The following UBXN4 variants were observed in gnomAD, a reference collection of about 807,000 sequenced individuals.
UBXN4 encodes the protein UBX domain protein 4, also known as UBX domain-containing protein 4.
A neutral mutation model predicts 66.2 loss-of-function variants in UBXN4; 35 were observed. The ratio of observed to expected loss-of-function variants is 0.53; its 90% CI spans 0.40 to 0.70. The LOEUF is 0.70. Among genes scored for constraint, UBXN4 ranks in the 30% least tolerant of loss-of-function variants. The pLI, the probability that UBXN4 is intolerant of heterozygous loss-of-function variation, is 0.00. For missense variants in UBXN4, 533 were observed against 599.8 expected, an observed-to-expected ratio of 0.89 and a Z score of 1.16; for synonymous variants, 203 against 204.5, an observed-to-expected ratio of 0.99 and a Z score of 0.06.
intron 12 of UBXN4, among the ~76,000 whole-genome samples, chr2:135,782,000 A>G (rs994565018): frequency 6.6e-6 from 1 of 152,192 alleles, no homozygotes; most frequent in African/African-American, 2.4e-5. Flanking sequence ...TGTGAGCTCC[A>G]GAGTTTTGAG....
intron 6 of UBXN4, 22 bp from the exon 7 acceptor site, chr2:135,769,747 G>GT: frequency 5.8e-6 from 8 of 1,380,772 alleles, no homozygotes; most frequent in East Asian, 2.4e-5. Flanking sequence ...AATTAGTGGT[G>GT]GTTTTTTTTT....
intron 7 of UBXN4, 60 bp downstream of exon 7, chr2:135,769,883 A>G: frequency 1.3e-6 from 1 of 771,024 alleles, no homozygotes; most frequent in South Asian, 1.7e-5. Flanking sequence ...GTGATTGATT[A>G]TTCTATTCAG....
chr2:135,782,660 G>T, intron 12 of UBXN4, 89 bp from the exon 13 acceptor site: 2 of 1,501,140 alleles, frequency 1.3e-6, no homozygotes, highest in Non-Finnish European at 1.8e-6. Flanking sequence ...AAACTTAGTT[G>T]CCTGTACTGA....
rs1054288917 is a variant in UBXN4 at position 135,770,525 on chromosome 2, G to C, written c.658-46G>C. 5.6e-6 allele frequency: 7 copies of C among 1,250,778 alleles called. No individual in the cohort carries two copies. The African/African-American group carries it at 9.3e-5, about 17-fold the overall frequency. 77.5% of individuals were successfully genotyped at this position (1,250,778 alleles called of 1,614,324 possible). A position where few individuals can be genotyped will look rare whatever the true frequency, so the allele number is the denominator to read the frequency against. On this transcript the variant is annotated intron_variant, in intron 7 of 12. Coordinates refer to ENST00000272638, the MANE Select transcript of UBXN4 (RefSeq NM_014607.4). Reference sequence around the variant, plus strand: ...CGTTGCATTCAAAATAATATCTGGGGCAGATTATCAAGTTTTTGGATCATA... The same window carrying C: ...CGTTGCATTCAAAATAATATCTGGGCCAGATTATCAAGTTTTTGGATCATA...
chr2:135,779,577 C>T (rs1430835267), intron 11 of UBXN4, among the ~76,000 whole-genome samples: 1 of 152,052 alleles, frequency 6.6e-6, no homozygotes, highest in Non-Finnish European at 1.5e-5. Context: ...ACATAGTTTT[C>T]CTTGCTCTAT....
intron 1 of UBXN4, among the ~76,000 whole-genome samples, chr2:135,742,998 G>T (rs1293464649): frequency 4.6e-5 from 7 of 152,134 alleles, no homozygotes; most frequent in Admixed American, 3.9e-4. Flanking sequence ...GATTTACAGT[G>T]AACTCCCTGC....
At chr2:135,751,901 T>C (rs2077244514) in intron 2 of UBXN4, among the ~76,000 whole-genome samples, 2 of 152,156 alleles carry the variant, frequency 1.3e-5, no homozygotes, top group Admixed American at 6.5e-5. Context: ...TATCTCTTAC[T>C]AATCTTATAA....
rs762768871 is a variant in UBXN4 at position 135,778,998 on chromosome 2, G to A, written c.1104G>A (p.Arg368=). ...TTTCGTTAGCAACCATGTTTCCCAG[G>A]AGGGAATTTACCAAAGAAGATTATA... ...GNFSLATMFP[R]REFTKEDYKK... is the part of the protein sequence containing the mutation. The change falls in exon 11 of 13, where the codon AGG becomes AGA. Residue 368 remains arginine (R), a synonymous_variant. Coordinates refer to ENST00000272638, the MANE Select transcript of UBXN4 (RefSeq NM_014607.4). The A allele has an allele frequency of 5.0e-6, 8 of 1,613,604 alleles. No homozygotes were observed. The Admixed American group carries it at 5.0e-5, about 10-fold the overall frequency.
Position 135,741,971 on chromosome 2 carries a change from G to C in UBXN4, c.42G>C (p.Thr14=), listed in dbSNP as rs370745711. The part of the protein sequence containing the change: ...FQGAIPAAIA[T]AKRSGAVFVV... ...GCGCCATTCCGGCCGCCATCGCGACGGCCAAAAGGAGCGGCGCGGTCTTCG... is the reference window on the plus strand; with the variant it reads ...GCGCCATTCCGGCCGCCATCGCGACCGCCAAAAGGAGCGGCGCGGTCTTCG... The change falls in exon 1 of 13, where the codon ACG becomes ACC. Residue 14 remains threonine (T), a synonymous_variant. Coordinates refer to ENST00000272638, the MANE Select transcript of UBXN4 (RefSeq NM_014607.4). The C allele has an allele frequency of 6.2e-7, 1 of 1,613,370 alleles. No individual in the cohort carries two copies. Among genetic ancestry groups the C allele is most frequent in the African/African-American group, 1.3e-5 (1 of 74,876 alleles).
At chr2:135,748,050 T>C in intron 1 of UBXN4, 1 of 439,272 alleles carries the variant, frequency 2.3e-6, no homozygotes, top group East Asian at 3.9e-5. Context: ...TTTTGTATCA[T>C]TTAAATAGTC....
At chr2:135,761,775 C>A (rs1244831733) in intron 5 of UBXN4, 43 bp from the exon 6 acceptor site, 2 of 1,454,070 alleles carry the variant, frequency 1.4e-6, no homozygotes, top group Non-Finnish European at 1.9e-6. Flanking sequence ...TAAAAAGTTG[C>A]ATTAAATGCA....
In UBXN4 at chr2:135,781,763, G is replaced by A. The variant is rs143431724; in HGVS notation, c.1389-986G>A. On this transcript the variant is annotated intron_variant, in intron 12 of 12. Coordinates refer to ENST00000272638, the MANE Select transcript of UBXN4 (RefSeq NM_014607.4). The stretch of plus-strand genomic sequence containing the variant: ...GAATTACTGTAATATAGGAGAGCTC[G>A]TTGTATGGATTTTTAAAACTTTTTT... Among the ~76,000 whole-genome samples the A allele has an allele frequency of 1.2e-3, 176 of 152,298 alleles. 1 individual carries two copies. The highest frequency in any genetic ancestry group is 2.2e-3 in the African/African-American group (93 of 41,556).
chr2:135,770,053 ATTT>A (rs761076334), intron 7 of UBXN4, among the ~76,000 whole-genome samples: 102 of 151,464 alleles, frequency 6.7e-4, no homozygotes, highest in Non-Finnish European at 4.3e-4. Flanking sequence ...CTCTGCAATG[ATTT>A]TTTTTTACAC....
chr2:135,749,630 A>G (rs2077229774), intron 2 of UBXN4, among the ~76,000 whole-genome samples: 1 of 152,318 alleles, frequency 6.6e-6, no homozygotes. Flanking sequence ...TCTCTGAAGT[A>G]TAAGTATTGT....
chr2:135,742,091 G>C, intron 1 of UBXN4, 80 bp downstream of exon 1: 1 of 1,495,062 alleles, frequency 6.7e-7, no homozygotes, highest in South Asian at 1.2e-5. Flanking sequence ...TCAGCCGCCG[G>C]CCCGCCCTCC....
intron 10 of UBXN4, among the ~76,000 whole-genome samples, chr2:135,778,145 C>T (rs769176626): frequency 3.1e-4 from 46 of 148,966 alleles, no homozygotes; most frequent in Non-Finnish European, 5.8e-4. Flanking sequence ...CCACTGCACT[C>T]CAGCCTGGGC....
rs2077470207 is a variant in UBXN4, at chr2:135,784,210, T to C, written c.*1323T>C. The C allele has an allele frequency of 6.6e-6, 1 of 152,194 alleles. No individual in the cohort carries two copies. The highest frequency in any genetic ancestry group is 1.5e-5 in the Non-Finnish European group (1 of 68,032). 9.4% of individuals were successfully genotyped at this position (152,194 alleles called of 1,614,324 possible). On this transcript the variant is annotated 3_prime_UTR_variant, in exon 13 of 13. Transcript: ENST00000272638. ...TCTTCTAAATCATAAATGCAGACAA[T>C]GTTTAGGTAAAGACATACTCATTAA...
At chr2:135,769,031 C>T (rs1295292727) in intron 6 of UBXN4, among the ~76,000 whole-genome samples, 1 of 151,862 alleles carries the variant, frequency 6.6e-6, no homozygotes, top group Non-Finnish European at 1.5e-5. Flanking sequence ...CAGACAGGGT[C>T]TCCCTTTGTC....
At chr2:135,764,441 G>A (rs1463388856) in intron 6 of UBXN4, among the ~76,000 whole-genome samples, 4 of 151,954 alleles carry the variant, frequency 2.6e-5, no homozygotes, top group South Asian at 2.1e-4. Context: ...AAAAAAAAAC[G>A]GATTGGTGAT....
Sources: gnomAD v4.1 joint callset for allele counts (sites outside exome capture counted in the v4.1 genomes callset) on GRCh38, gnomAD v4.1.1 for gene constraint, MANE v1.5 for transcripts, NCBI Gene and HGNC (gene_info 2026-07-23, HGNC 2026-07-21) for gene names.